Variants in PCNX2 observed in about 807,000 individuals in gnomAD.
The protein encoded by PCNX2 is pecanex 2, also known as pecanex-like protein 2.
Under a neutral mutation model 223.8 loss-of-function variants are expected in PCNX2, and 168 were observed. The ratio of observed to expected loss-of-function variants is 0.75; its 90% confidence interval spans 0.66 to 0.85. The LOEUF (loss-of-function observed/expected upper bound fraction) is 0.85, where lower values mean the gene tolerates loss of function less well. Ranked by LOEUF, PCNX2 falls within the 40% of genes least tolerant of loss-of-function variation. The pLI, the probability that PCNX2 is intolerant of heterozygous loss-of-function variation, is 0.00. For synonymous variants in PCNX2, 1,006 were observed against 1,052.6 expected, an observed-to-expected ratio of 0.96 and a Z score of 0.86; for missense variants, 2,507 against 2,675.5, an observed-to-expected ratio of 0.94 and a Z score of 1.39.
At chr1:233,157,983 T>C (rs1024730315) in intron 19 of PCNX2, among the ~76,000 whole-genome samples, 2 of 152,090 alleles carry the variant, frequency 1.3e-5, no homozygotes, top group Non-Finnish European at 2.9e-5. Flanking sequence ...CCTACTTCTA[T>C]GGGATACAAA....
At chr1:233,266,667 G>A (rs975155599) in intron 1 of PCNX2, among the ~76,000 whole-genome samples, 2 of 152,128 alleles carry the variant, frequency 1.3e-5, no homozygotes, top group Non-Finnish European at 2.9e-5. Flanking sequence ...CTTGATGTAA[G>A]GTATACTCAT....
At chr1:233,119,178 A>G (rs1675603042) in intron 21 of PCNX2, among the ~76,000 whole-genome samples, 1 of 152,012 alleles carries the variant, frequency 6.6e-6, no homozygotes, top group Admixed American at 6.6e-5. Context: ...ACAAAAGCAA[A>G]ACAAATAACC....
intron 25 of PCNX2, among the ~76,000 whole-genome samples, chr1:233,044,002 G>A (rs1196226204): frequency 4.1e-5 from 6 of 147,832 alleles, no homozygotes; most frequent in East Asian, 4.2e-4. Flanking sequence ...CACAAGGGTT[G>A]AACTAGTTTA....
intron 1 of PCNX2, among the ~76,000 whole-genome samples, chr1:233,273,195 T>C (rs1342458940): frequency 6.7e-6 from 1 of 150,074 alleles, no homozygotes; most frequent in Non-Finnish European, 1.5e-5. Flanking sequence ...AAAATAATAA[T>C]TTAAAAATAA....
At chr1:233,053,515 G>A (rs776169298) in intron 25 of PCNX2, among the ~76,000 whole-genome samples, 5 of 152,112 alleles carry the variant, frequency 3.3e-5, no homozygotes, top group Non-Finnish European at 4.4e-5. Flanking sequence ...CTCTCACTGG[G>A]GGTAAGCTTC....
chr1:233,108,037 T>A (rs1454964549), intron 21 of PCNX2, among the ~76,000 whole-genome samples: 1 of 152,166 alleles, frequency 6.6e-6, no homozygotes, highest in African/African-American at 2.4e-5. Context: ...CATGGCAACG[T>A]CAGGAAGTTA....
chr1:233,245,293 C>T (rs1659040608), intron 8 of PCNX2, among the ~76,000 whole-genome samples: 1 of 152,256 alleles, frequency 6.6e-6, no homozygotes, highest in South Asian at 2.1e-4. Context: ...AGACTGTGAT[C>T]AGCATCCTCC....
At chr1:233,303,132 C>T in the PCNX2 span, among the ~76,000 whole-genome samples, 3 of 152,088 alleles carry the variant, frequency 2.0e-5, no homozygotes, top group African/African-American at 7.2e-5. Flanking sequence ...CACACACACA[C>T]AATGGACCAT....
At chr1:233,266,032 C>T (rs1399713994) in intron 1 of PCNX2, among the ~76,000 whole-genome samples, 1 of 152,092 alleles carries the variant, frequency 6.6e-6, no homozygotes, top group Non-Finnish European at 1.5e-5. Flanking sequence ...GAGAACAGGC[C>T]CTTGCCTCAT....
chr1:233,293,965 C>T (rs866814827), intron 1 of PCNX2: 54 of 984,954 alleles, frequency 5.5e-5, no homozygotes, highest in Non-Finnish European at 6.1e-5. Flanking sequence ...AAAAATGGTG[C>T]GGAGAATCAG....
chr1:233,184,528 C>T (rs1349901262), intron 15 of PCNX2, among the ~76,000 whole-genome samples: 1 of 152,058 alleles, frequency 6.6e-6, no homozygotes, highest in African/African-American at 2.4e-5. Flanking sequence ...ATTGAGTTTA[C>T]CTACTTTTAT....
rs1028007888 is a variant in PCNX2 at position 233,252,789 on chromosome 1, C to G, written c.1835-1G>C. ...TCCTTTTTTTCCTGGGAACAGTTAT[C>G]TGAAAAACATTGCTTTACTTGTTAA... is the stretch of plus-strand genomic sequence containing the variant. On this transcript the variant is annotated splice_acceptor_variant, in intron 5 of 33. Coordinates refer to ENST00000258229, the MANE Select transcript of PCNX2 (RefSeq NM_014801.4). LOFTEE classifies it high-confidence loss of function. The G allele has an allele frequency of 8.1e-6, 13 of 1,601,706 alleles. No homozygotes were observed. Among genetic ancestry groups the G allele is most frequent in the Non-Finnish European group, 1.1e-5 (13 of 1,176,562 alleles).
Position 232,998,266 on chromosome 1 carries a change from C to T in PCNX2, c.5776G>A (p.Gly1926Arg). Residue 1926 changes from glycine to arginine, a missense_variant, in exon 32 of 34, where the codon GGG (glycine) becomes AGG (arginine). By Grantham distance (125) the Gly-to-Arg change is moderately radical (BLOSUM62 -2). This residue lies in a region of PCNX2 where 1,372 missense variants were observed against 1,509.4 expected (regional missense o/e 0.91). Coordinates refer to ENST00000258229, the MANE Select transcript of PCNX2 (RefSeq NM_014801.4). ...GAQHGVSSCEGTQRTGRRKGR... is the reference protein window; with the variant it reads ...GAQHGVSSCERTQRTGRRKGR... ...CTGCACCCACCTGTTCTCTGTGTCC[C>T]TTCACAGGATGACACCCCGTGCTGA... The T allele has an allele frequency of 6.3e-7, 1 of 1,584,758 alleles. No homozygotes were observed. Among genetic ancestry groups the T allele is most frequent in the Non-Finnish European group, 8.6e-7 (1 of 1,165,360 alleles).
At chr1:233,130,377 T>C (rs1676403355) in intron 21 of PCNX2, among the ~76,000 whole-genome samples, 1 of 151,984 alleles carries the variant, frequency 6.6e-6, no homozygotes, top group Non-Finnish European at 1.5e-5. Flanking sequence ...CACTAGGAAG[T>C]GTCTCACCCA....
Position 233,214,516 on chromosome 1 carries a change from G to C in PCNX2, c.2691+3383C>G, listed in dbSNP as rs555797107. Reference sequence around the variant, plus strand: ...GCTGTCCCAGCCAGTAGAGGGGAGGGGGGAAATCGAGCTCTGCCTCTGGCT... The same window carrying C: ...GCTGTCCCAGCCAGTAGAGGGGAGGCGGGAAATCGAGCTCTGCCTCTGGCT... On this transcript the variant is annotated intron_variant, in intron 12 of 33. Coordinates refer to ENST00000258229, the MANE Select transcript of PCNX2 (RefSeq NM_014801.4). Among the ~76,000 whole-genome samples the C allele has an allele frequency of 3.8e-3, 581 of 152,266 alleles. 5 individuals carry two copies. Among genetic ancestry groups the C allele is most frequent in the African/African-American group, 0.013 (560 of 41,544 alleles).
chr1:233,081,351 TA>T (rs11319970), intron 23 of PCNX2, among the ~76,000 whole-genome samples: 20,811 of 151,908 alleles, frequency 0.14, 1,789 homozygotes, highest in African/African-American at 0.24. Flanking sequence ...ATCTCAAAAA[TA>T]AAAAAATAAA....
In PCNX2 at chr1:233,258,604, A is replaced by T; in HGVS notation, c.1258T>A (p.Ser420Thr). Residue 420 changes from serine (S) to threonine (T), a missense_variant, in exon 5 of 34, where the codon TCT becomes ACT. By Grantham distance (58) the Ser-to-Thr change is moderately conservative. Around this residue, in one of 3 missense-constraint regions of PCNX2, gnomAD observed 1,031 missense variants for 1,021.7 expected, o/e 1.01. Coordinates refer to ENST00000258229, the MANE Select transcript of PCNX2 (RefSeq NM_014801.4). ...ATTGAGATCTGCTCGGCATTTGGAGAACCGGCCGCCCCTGGGTTAGTGGGC... is the reference window on the plus strand; with the variant it reads ...ATTGAGATCTGCTCGGCATTTGGAGTACCGGCCGCCCCTGGGTTAGTGGGC... Reference protein sequence around the residue: ...AEPTNPGAAGSPNAEQISIPV... With the variant: ...AEPTNPGAAGTPNAEQISIPV... 6.2e-7 allele frequency: 1 copy of T among 1,613,906 alleles called. No homozygotes were observed. The highest frequency in any genetic ancestry group is 8.5e-7 in the Non-Finnish European group (1 of 1,179,862).
intron 26 of PCNX2, among the ~76,000 whole-genome samples, chr1:233,020,304 A>G (rs1353248737): frequency 6.6e-6 from 1 of 152,220 alleles, no homozygotes; most frequent in Non-Finnish European, 1.5e-5. Flanking sequence ...GTCATACCCT[A>G]TCTCCATTTA....
chr1:233,201,130 A>G (rs201224531), intron 13 of PCNX2, among the ~76,000 whole-genome samples: 18 of 142,282 alleles, frequency 1.3e-4, no homozygotes, highest in Non-Finnish European at 2.1e-4. Context: ...AAAAAAAAAA[A>G]GTTGGTTAAA....
Sources: allele counts gnomAD v4.1 joint callset (sites outside exome capture counted in the v4.1 genomes callset), GRCh38; gene constraint gnomAD v4.1.1; regional missense constraint gnomAD v4.1.1; transcripts MANE v1.5; gene names NCBI Gene and HGNC (gene_info 2026-07-23, HGNC 2026-07-21).